Variants in TTC6 observed in about 807,000 individuals in gnomAD.
TTC6 encodes tetratricopeptide repeat protein 6.
In TTC6, 172 loss-of-function variants were observed where a neutral mutation model predicts 210.4. The ratio of observed to expected loss-of-function variants is 0.82; its 90% CI spans 0.72 to 0.93. TTC6 has a LOEUF of 0.93. Ranked by LOEUF, TTC6 falls within the 40% of genes least tolerant of loss-of-function variation. The pLI is 0.00. For missense variants in TTC6, 2,414 were observed against 2,318.1 expected (o/e 1.04, Z -0.85); for synonymous variants, 804 against 819.6 (o/e 0.98, Z 0.32).
upstream of TTC6, among the ~76,000 whole-genome samples, chr14:37,620,260 A>C (rs1404496123): frequency 2.6e-5 from 4 of 152,168 alleles, no homozygotes; most frequent in Admixed American, 6.5e-5. Flanking sequence ...ATCCTATTAG[A>C]GTTCTAGTGT....
intron 26 of TTC6, among the ~76,000 whole-genome samples, chr14:37,818,367 T>C (rs529126034): frequency 1.2e-3 from 176 of 152,298 alleles, no homozygotes; most frequent in Non-Finnish European, 2.1e-3. Flanking sequence ...AAATTAACTT[T>C]TGGTAATTTT....
chr14:37,604,348 T>G (rs1555377308), intron 1 of TTC6, among the ~76,000 whole-genome samples: 1 of 152,174 alleles, frequency 6.6e-6, no homozygotes, highest in Non-Finnish European at 1.5e-5. Flanking sequence ...ATTAAGGACC[T>G]TCTGGGGTAA....
chr14:37,762,476 G>A (rs955756144), intron 14 of TTC6, among the ~76,000 whole-genome samples: 52 of 152,058 alleles, frequency 3.4e-4, no homozygotes, highest in Admixed American at 1.3e-4. Context: ...CAAAATCCTC[G>A]CCAAATTTGT....
intron 2 of TTC6, among the ~76,000 whole-genome samples, chr14:37,607,826 T>G (rs991568329): frequency 3.3e-5 from 5 of 152,064 alleles, no homozygotes; most frequent in African/African-American, 1.2e-4. Context: ...GGTGGAGTCT[T>G]GCTATGTTGC....
At chr14:37,612,528 A>T (rs1420705007) in intron 2 of TTC6, among the ~76,000 whole-genome samples, 2 of 152,226 alleles carry the variant, frequency 1.3e-5, no homozygotes, top group Non-Finnish European at 2.9e-5. Context: ...ATTTCTATTT[A>T]AAAACCTGCT....
chr14:37,807,534 C>G, intron 23 of TTC6, 74 bp downstream of exon 25: 2 of 1,297,444 alleles, frequency 1.5e-6, no homozygotes, highest in Non-Finnish European at 2.0e-6. Flanking sequence ...AGGGGACTCA[C>G]TTACTTTTTT....
intron 10 of TTC6, 103 bp downstream of exon 12, chr14:37,739,258 A>G: frequency 1.7e-6 from 2 of 1,163,754 alleles, no homozygotes; most frequent in Non-Finnish European, 2.3e-6. Flanking sequence ...TCTGCACTGA[A>G]CATATGAACC....
At position 37,837,059 on chromosome 14, in the gene TTC6, T is replaced by C. The variant is rs1190395716; in HGVS notation, c.5299-4386T>C. Reference sequence around the variant, plus strand: ...ATTATTAAAAAATCAAGACCATCTGTTGTGGTAGATACCTTTAGCCTCTAA... The same window carrying C: ...ATTATTAAAAAATCAAGACCATCTGCTGTGGTAGATACCTTTAGCCTCTAA... On this transcript the variant is annotated intron_variant, in intron 29 of 30. Transcript: ENST00000553443. Among the ~76,000 whole-genome samples the C allele has an allele frequency of 2.0e-5, 3 of 152,198 alleles. No individual in the cohort carries two copies. The East Asian group carries it at 5.8e-4, about 29-fold the overall frequency.
chr14:37,618,312 C>G (rs564965169), upstream of TTC6, among the ~76,000 whole-genome samples: 56 of 152,202 alleles, frequency 3.7e-4, no homozygotes, highest in Admixed American at 1.6e-3. Flanking sequence ...GGCTCTTGAC[C>G]CTTCTGACTG....
chr14:37,765,484 A>G (rs2095996426), intron 14 of TTC6, among the ~76,000 whole-genome samples: 2 of 152,114 alleles, frequency 1.3e-5, no homozygotes, highest in African/African-American at 2.4e-5. Flanking sequence ...CCCTATCACA[A>G]ATTACATCCT....
chr14:37,633,828 G>C (rs986738261), intron 1 of TTC6, among the ~76,000 whole-genome samples: 1 of 152,166 alleles, frequency 6.6e-6, no homozygotes, highest in African/African-American at 2.4e-5. Flanking sequence ...CAGAGGCCTA[G>C]TGGGGAGCCA....
chr14:37,713,891 A>C (rs1385921671), intron 5 of TTC6, among the ~76,000 whole-genome samples: 2 of 152,210 alleles, frequency 1.3e-5, no homozygotes, highest in Non-Finnish European at 2.9e-5. Context: ...TATATCAATA[A>C]GTTAGAGGGA....
At chr14:37,711,752 G>A (rs553198037) in intron 5 of TTC6, among the ~76,000 whole-genome samples, 1 of 152,174 alleles carries the variant, frequency 6.6e-6, no homozygotes, top group South Asian at 2.1e-4. Context: ...CAGTTGCAGG[G>A]ATATGTGGCT....
At chr14:37,841,320 T>G (rs2096209585) in intron 29 of TTC6, 125 bp from the exon 32 acceptor site, 2 of 794,438 alleles carry the variant, frequency 2.5e-6, no homozygotes, top group South Asian at 1.8e-5. Flanking sequence ...GTACCTGGGA[T>G]GAAATGCTTC....
intron 1 of TTC6, among the ~76,000 whole-genome samples, chr14:37,637,293 A>C (rs769273790): frequency 7.7e-4 from 118 of 152,260 alleles, no homozygotes; most frequent in Non-Finnish European, 1.8e-4. Flanking sequence ...TCTGATCCAA[A>C]GGACAAATTG....
At chr14:37,747,467 A>G (rs533384090) in intron 10 of TTC6, among the ~76,000 whole-genome samples, 1 of 152,366 alleles carries the variant, frequency 6.6e-6, no homozygotes, top group African/African-American at 2.4e-5. Flanking sequence ...GAGAACAAAA[A>G]GAGGGAGTGA....
At chr14:37,751,796 G>C (rs1204930819) in intron 13 of TTC6, among the ~76,000 whole-genome samples, 1 of 150,988 alleles carries the variant, frequency 6.6e-6, no homozygotes, top group East Asian at 1.9e-4. Flanking sequence ...TTATGTTTAG[G>C]AGATACCAGA....
chr14:37,837,497 A>G (rs2096200545), intron 29 of TTC6: 1 of 438,754 alleles, frequency 2.3e-6, no homozygotes, highest in African/African-American at 2.0e-5. Context: ...TCTTGAACTA[A>G]TTACCTAATT....
chr14:37,599,758 G>C (rs1009147476), intron 1 of TTC6, among the ~76,000 whole-genome samples: 7 of 152,192 alleles, frequency 4.6e-5, no homozygotes, highest in Non-Finnish European at 1.0e-4. Flanking sequence ...CTGGGCAGTC[G>C]ACAGCGTTGG....
Sources: gnomAD v4.1 joint callset for allele counts (sites outside exome capture counted in the v4.1 genomes callset) on GRCh38, gnomAD v4.1.1 for gene constraint, MANE v1.5 for transcripts, NCBI Gene and HGNC (gene_info 2026-07-23, HGNC 2026-07-21) for gene names.